WWOX: variants seen among roughly 807,000 people sequenced by gnomAD.
WWOX encodes the protein WW domain containing oxidoreductase, also known as WW domain-containing oxidoreductase.
A neutral mutation model predicts 46.2 loss-of-function variants in WWOX; 69 were observed. The observed-to-expected ratio is 1.49, with a 90% CI of 1.23 to 1.82. The LOEUF (loss-of-function observed/expected upper bound fraction) is 1.82. Ranked by LOEUF, WWOX falls within the 40% of genes most tolerant of loss-of-function variation. WWOX has a pLI of 0.00. For missense variants in WWOX, 919 were observed against 542.6 expected (o/e 1.69, Z -6.89); for synonymous variants, 359 against 202.6 (o/e 1.77, Z -6.56).
At chr16:78,803,026 C>T (rs2050936955) in intron 8 of WWOX, among the ~76,000 whole-genome samples, 1 of 148,622 alleles carries the variant, frequency 6.7e-6, no homozygotes, top group South Asian at 2.1e-4. Context: ...TTCATGGTGC[C>T]TTGTACTGTG....
intron 8 of WWOX, among the ~76,000 whole-genome samples, chr16:79,018,495 C>A (rs1372874327): frequency 6.6e-6 from 1 of 151,882 alleles, no homozygotes; most frequent in Non-Finnish European, 1.5e-5. Flanking sequence ...CTACACAGAC[C>A]CAAGAGGAGA....
rs368856086 is a variant in WWOX at position 78,836,053 on chromosome 16, A to G, written c.1057-375555A>G. 3.5e-4 allele frequency among the ~76,000 whole-genome samples: 53 copies of G among 152,332 alleles called. 5 individuals are homozygous for G. The highest frequency in any genetic ancestry group is 2.7e-3 in the East Asian group (14 of 5,178). On this transcript the variant is annotated intron_variant, in intron 8 of 8. Transcript: ENST00000566780. ...ATACATAGTGACATGAAAATTGTGT[A>G]TTCACATTGTTCTATTGATTTCGTT...
At chr16:79,098,375 G>A (rs1236132030) in intron 8 of WWOX, among the ~76,000 whole-genome samples, 5 of 152,196 alleles carry the variant, frequency 3.3e-5, no homozygotes, top group Non-Finnish European at 5.9e-5. Flanking sequence ...CTCCTAGAGT[G>A]CATTTCTGCT....
At chr16:78,175,080 A>AG (rs1232077188) in intron 5 of WWOX, among the ~76,000 whole-genome samples, 2 of 151,990 alleles carry the variant, frequency 1.3e-5, no homozygotes, top group African/African-American at 4.8e-5. Flanking sequence ...GCTAAGGAGC[A>AG]GGGGGCCCCT....
intron 8 of WWOX, among the ~76,000 whole-genome samples, chr16:79,055,612 G>A (rs1020530484): frequency 1.3e-5 from 2 of 152,116 alleles, no homozygotes; most frequent in African/African-American, 4.8e-5. Context: ...AAGATTCATG[G>A]GCAGAATAAA....
chr16:79,148,967 C>T (rs1468237045), intron 8 of WWOX, among the ~76,000 whole-genome samples: 1 of 151,964 alleles, frequency 6.6e-6, no homozygotes, highest in African/African-American at 2.4e-5. Context: ...TTCTATCTAG[C>T]CTGTCATGTC....
intron 8 of WWOX, among the ~76,000 whole-genome samples, chr16:78,752,859 G>C (rs1380653086): frequency 1.3e-5 from 2 of 152,200 alleles, no homozygotes; most frequent in African/African-American, 4.8e-5. Context: ...CCAGGAGTCA[G>C]GCTTCCTGAT....
intron 8 of WWOX, among the ~76,000 whole-genome samples, chr16:78,528,105 T>C (rs1364648394): frequency 6.9e-6 from 1 of 144,962 alleles, no homozygotes; most frequent in East Asian, 2.0e-4. Context: ...TTCGTGCCAT[T>C]CTCCTGCCTC....
At chr16:78,998,930 A>G (rs558589019) in intron 8 of WWOX, among the ~76,000 whole-genome samples, 1 of 152,336 alleles carries the variant, frequency 6.6e-6, no homozygotes, top group South Asian at 2.1e-4. Flanking sequence ...AATGTCCCAA[A>G]TGCCAGCAAC....
chr16:78,559,849 C>T (rs183605603), intron 8 of WWOX, among the ~76,000 whole-genome samples: 4 of 152,280 alleles, frequency 2.6e-5, no homozygotes, highest in African/African-American at 7.2e-5. Flanking sequence ...CAACAGGCTC[C>T]ACCCTCCTTC....
intron 8 of WWOX, among the ~76,000 whole-genome samples, chr16:79,013,170 C>T (rs573831339): frequency 4.6e-5 from 7 of 152,334 alleles, no homozygotes; most frequent in African/African-American, 1.2e-4. Context: ...TGCCACTTGC[C>T]GCCCACCGCA....
chr16:79,096,979 G>T (rs768076530), intron 8 of WWOX, among the ~76,000 whole-genome samples: 21 of 152,080 alleles, frequency 1.4e-4, no homozygotes, highest in Non-Finnish European at 2.5e-4. Context: ...CCAGGAAGGG[G>T]GCATGCTGTC....
intron 5 of WWOX, chr16:78,166,980 C>CT (rs1435892111): frequency 3.3e-5 from 5 of 152,214 alleles, no homozygotes; most frequent in Non-Finnish European, 5.9e-5. Flanking sequence ...TTGTAAAACT[C>CT]TGCCTATTTG....
chr16:78,664,638 G>A (rs988488711), intron 8 of WWOX, among the ~76,000 whole-genome samples: 4 of 152,144 alleles, frequency 2.6e-5, no homozygotes, highest in African/African-American at 9.7e-5. Flanking sequence ...AGATGAGCCC[G>A]GTGTATCCGT....
At chr16:79,011,684 GT>G (rs2047313391) in intron 8 of WWOX, among the ~76,000 whole-genome samples, 1 of 151,674 alleles carries the variant, frequency 6.6e-6, no homozygotes, top group Admixed American at 6.6e-5. Context: ...TTAGAGATGA[GT>G]TTTTGCCGTG....
chr16:78,939,172 C>A (rs1048731825), intron 8 of WWOX, among the ~76,000 whole-genome samples: 1 of 152,136 alleles, frequency 6.6e-6, no homozygotes, highest in South Asian at 2.1e-4. Context: ...AGATGCCTCC[C>A]AGAACAGTTT....
At chr16:78,903,873 G>T (rs1021793647) in intron 8 of WWOX, among the ~76,000 whole-genome samples, 1 of 152,162 alleles carries the variant, frequency 6.6e-6, no homozygotes, top group South Asian at 2.1e-4. Context: ...TGTGGCAGGG[G>T]ACTGTTGTTA....
chr16:78,135,980 T>C (rs2078844873), intron 4 of WWOX, among the ~76,000 whole-genome samples: 1 of 152,190 alleles, frequency 6.6e-6, no homozygotes, highest in Non-Finnish European at 1.5e-5. Flanking sequence ...ATATATAAAA[T>C]TATATTAAAG....
intron 8 of WWOX, among the ~76,000 whole-genome samples, chr16:78,629,324 C>A (rs894055913): frequency 6.6e-6 from 1 of 151,612 alleles, no homozygotes; most frequent in African/African-American, 2.4e-5. Context: ...CACTTGATAG[C>A]AATGTAGGGT....
Sources: gnomAD v4.1 joint callset for allele counts (sites outside exome capture counted in the v4.1 genomes callset) on GRCh38, gnomAD v4.1.1 for gene constraint, MANE v1.5 for transcripts, NCBI Gene and HGNC (gene_info 2026-07-23, HGNC 2026-07-21) for gene names.